Variants in DPH6 observed in about 807,000 individuals in gnomAD.
DPH6 encodes the protein diphthine--ammonia ligase.
In DPH6, 33 loss-of-function variants were observed where a neutral mutation model predicts 38.2. The ratio of observed to expected loss-of-function variants is 0.86; its 90% CI spans 0.65 to 1.15. DPH6 has a LOEUF of 1.15. Among genes scored for constraint, DPH6 ranks in the 50% most tolerant of loss-of-function variants. The pLI, the probability that DPH6 is intolerant of heterozygous loss-of-function variation, is 0.00. For synonymous variants in DPH6, 108 were observed against 103.0 expected (o/e 1.05, Z -0.30); for missense variants, 325 against 320.0 (o/e 1.02, Z -0.12).
the DPH6 span, among the ~76,000 whole-genome samples, chr15:35,148,493 C>T: frequency 2.0e-5 from 3 of 152,144 alleles, no homozygotes; most frequent in African/African-American, 7.2e-5. Context: ...TATTTTCTCT[C>T]TAGTATTCCT....
rs2051558173 is a variant in DPH6 at position 35,237,134 on chromosome 15, C to T, written n.201-16552G>A. 7 of 587,016 alleles carry T rather than the reference C, an allele frequency of 1.2e-5. No individual in the cohort carries two copies. The South Asian group carries it at 1.5e-4, about 12-fold the overall frequency. The allele number at this position is 587,016 out of a possible 1,614,324, so 36.4% of individuals were successfully genotyped here. ...CAATTTTACTTGATGGTAATCTTTACAAAAACCTCTCCCAGTTTCCTTATT... is the reference window on the plus strand; with the variant it reads ...CAATTTTACTTGATGGTAATCTTTATAAAAACCTCTCCCAGTTTCCTTATT... On this transcript the variant is annotated intron_variant and non_coding_transcript_variant, in intron 3 of 3. Coordinates refer to the DPH6 transcript ENST00000560386.
chr15:35,444,179 A>G (rs555712352), intron 5 of DPH6, among the ~76,000 whole-genome samples: 1 of 152,322 alleles, frequency 6.6e-6, no homozygotes, highest in East Asian at 1.9e-4. Flanking sequence ...GTGACTAGAG[A>G]TTATTGTTCA....
intron 1 of DPH6, among the ~76,000 whole-genome samples, chr15:35,543,934 G>T (rs2055303027): frequency 6.6e-6 from 1 of 152,158 alleles, no homozygotes; most frequent in Non-Finnish European, 1.5e-5. Context: ...AATTTATTTT[G>T]AAATATGCCA....
intron 3 of DPH6, among the ~76,000 whole-genome samples, chr15:35,503,381 C>T (rs2054652697): frequency 6.6e-6 from 1 of 152,060 alleles, no homozygotes; most frequent in South Asian, 2.1e-4. Context: ...TGACAACCCT[C>T]AGTCCCCTTT....
intron 6 of DPH6, chr15:35,401,681 A>C: frequency 1.3e-6 from 1 of 744,816 alleles, no homozygotes. Context: ...ATGGTGTTGG[A>C]GGCCAATACT....
intron 3 of DPH6, among the ~76,000 whole-genome samples, chr15:35,457,662 T>C (rs553496489): frequency 1.4e-4 from 21 of 152,336 alleles, no homozygotes; most frequent in African/African-American, 4.8e-4. Flanking sequence ...TGATTTTGAA[T>C]GTTACTGAAT....
chr15:35,299,772 A>C (rs995222052), intron 3 of DPH6, among the ~76,000 whole-genome samples: 3 of 152,156 alleles, frequency 2.0e-5, no homozygotes, highest in Non-Finnish European at 4.4e-5. Context: ...CTAAGTCTCG[A>C]CTTATTTTCT....
intron 3 of DPH6, among the ~76,000 whole-genome samples, chr15:35,474,101 C>T (rs1409611178): frequency 2.0e-5 from 3 of 152,194 alleles, no homozygotes; most frequent in East Asian, 3.9e-4. Context: ...GAATTTTGAA[C>T]CAAGTGACTG....
chr15:35,423,976 A>G (rs1324301726), intron 5 of DPH6, among the ~76,000 whole-genome samples: 4 of 151,626 alleles, frequency 2.6e-5, no homozygotes, highest in African/African-American at 7.2e-5. Context: ...CCCTAGCTTT[A>G]TAATATGTTT....
chr15:35,456,471 A>ATT lies in DPH6; in HGVS notation c.313-1652_313-1651insAA, dbSNP rs1555403341. 6.3e-4 allele frequency among the ~76,000 whole-genome samples: 92 copies of ATT among 146,852 alleles called. 1 individual carries two copies. Among genetic ancestry groups the ATT allele is most frequent in the South Asian group, 1.7e-3 (8 of 4,716 alleles). On this transcript the variant is annotated intron_variant, in intron 3 of 8. Coordinates refer to ENST00000256538, the MANE Select transcript of DPH6 (RefSeq NM_080650.4). ...AAGTCAAATTACTATATATATATAT[A>ATT]TATTTATTTATTTATTTATTATTAT...
intron 7 of DPH6, among the ~76,000 whole-genome samples, chr15:35,381,198 C>G (rs1341337292): frequency 6.6e-6 from 1 of 152,124 alleles, no homozygotes; most frequent in Non-Finnish European, 1.5e-5. Flanking sequence ...ATAGTGTTCT[C>G]TTAGCATATA....
At chr15:35,330,721 T>A (rs1327116392), downstream of DPH6, 1 of 152,214 alleles carries the variant, frequency 6.6e-6, no homozygotes, top group Admixed American at 6.5e-5. Flanking sequence ...CTTCAAATCC[T>A]CAGGTTTTAC....
intron 3 of DPH6, among the ~76,000 whole-genome samples, chr15:35,226,881 T>C (rs1433791872): frequency 6.6e-6 from 1 of 152,216 alleles, no homozygotes; most frequent in East Asian, 1.9e-4. Flanking sequence ...TTTTTTGGAA[T>C]ACTTTAAGTA....
At chr15:35,343,431 A>C (rs761142989) in intron 3 of DPH6, among the ~76,000 whole-genome samples, 64 of 152,064 alleles carry the variant, frequency 4.2e-4, no homozygotes, top group Non-Finnish European at 6.8e-4. Flanking sequence ...TTAAATAATC[A>C]CCCTAATGTA....
intron 3 of DPH6, among the ~76,000 whole-genome samples, chr15:35,233,986 GTTTA>G (rs1192574869): frequency 1.3e-5 from 2 of 152,018 alleles, no homozygotes; most frequent in African/African-American, 4.8e-5. Context: ...AAGATACTCT[GTTTA>G]TTTGTTTGCC....
intron 3 of DPH6, among the ~76,000 whole-genome samples, chr15:35,280,497 T>C (rs1189809425): frequency 6.6e-6 from 1 of 152,160 alleles, no homozygotes; most frequent in African/African-American, 2.4e-5. Context: ...GAGAATATAC[T>C]GATAACTGAG....
chr15:35,195,076 C>T, the DPH6 span, among the ~76,000 whole-genome samples: 2 of 152,174 alleles, frequency 1.3e-5, no homozygotes, highest in Admixed American at 1.3e-4. Flanking sequence ...CCTTTCTCCA[C>T]ACCCTTCCTG....
intron 3 of DPH6, chr15:35,522,272 T>C: frequency 6.2e-7 from 1 of 1,612,704 alleles, no homozygotes; most frequent in Non-Finnish European, 8.5e-7. Flanking sequence ...GTCATTCTAG[T>C]GATGCCCTGG....
chr15:35,502,098 GT>G (rs2054634968), intron 3 of DPH6, among the ~76,000 whole-genome samples: 1 of 152,020 alleles, frequency 6.6e-6, no homozygotes, highest in African/African-American at 2.4e-5. Context: ...TTCAACATCT[GT>G]TTATACAAGT....
Sources: allele counts gnomAD v4.1 joint callset (sites outside exome capture counted in the v4.1 genomes callset), GRCh38; gene constraint gnomAD v4.1.1; transcripts MANE v1.5; gene names NCBI Gene and HGNC (gene_info 2026-07-23, HGNC 2026-07-21).